The following NAV2 variants were observed in gnomAD, a reference collection of about 807,000 sequenced individuals.
The protein encoded by NAV2 is neuron navigator 2.
In NAV2, 54 loss-of-function variants were observed where a neutral mutation model predicts 223.2. The observed-to-expected ratio is 0.24, with a 90% CI of 0.19 to 0.30. NAV2 has a LOEUF of 0.30. Among genes scored for constraint, NAV2 ranks in the 10% least tolerant of loss-of-function variants. The pLI, the probability that NAV2 is intolerant of heterozygous loss-of-function variation, is 1.00. For missense variants in NAV2, 2,806 were observed against 3,147.5 expected, an observed-to-expected ratio of 0.89 and a Z score of 2.60; for synonymous variants, 1,279 against 1,239.3, an observed-to-expected ratio of 1.03 and a Z score of -0.67.
chr11:19,884,376 T>C, intron 5 of NAV2: 2 of 1,609,324 alleles, frequency 1.2e-6, no homozygotes, highest in Non-Finnish European at 1.7e-6. Context: ...AGACTTTCTC[T>C]GTGTCCTGCA....
intron 1 of NAV2, among the ~76,000 whole-genome samples, chr11:19,785,447 T>A (rs540886438): frequency 6.6e-6 from 1 of 152,356 alleles, no homozygotes; most frequent in East Asian, 1.9e-4. Flanking sequence ...CATTACCTGG[T>A]ACTTGGCTAA....
At chr11:19,971,580 G>A (rs2049249385) in intron 10 of NAV2, among the ~76,000 whole-genome samples, 1 of 152,108 alleles carries the variant, frequency 6.6e-6, no homozygotes, top group East Asian at 1.9e-4. Context: ...TTTTGTGGAT[G>A]TACAACACAC....
chr11:19,508,912 A>G (rs563570319), intron 1 of NAV2, among the ~76,000 whole-genome samples: 1 of 152,314 alleles, frequency 6.6e-6, no homozygotes, highest in East Asian at 1.9e-4. Flanking sequence ...CTTCCTTAAT[A>G]TTGTGGTCCT....
intron 1 of NAV2, among the ~76,000 whole-genome samples, chr11:19,826,097 A>G (rs544583572): frequency 2.0e-4 from 30 of 152,212 alleles, no homozygotes; most frequent in Non-Finnish European, 3.5e-4. Context: ...CTAGTGTCAA[A>G]GGATCCTAGA....
intron 1 of NAV2, among the ~76,000 whole-genome samples, chr11:19,784,904 A>G (rs1265595673): frequency 6.6e-6 from 1 of 152,166 alleles, no homozygotes; most frequent in Non-Finnish European, 1.5e-5. Flanking sequence ...TCATCATCAG[A>G]TCGAGAGCAA....
At chr11:19,904,715 G>C (rs1390940735) in intron 6 of NAV2, among the ~76,000 whole-genome samples, 2 of 152,064 alleles carry the variant, frequency 1.3e-5, no homozygotes, top group African/African-American at 4.8e-5. Context: ...GCAAACTTTG[G>C]CTCCATATGT....
intron 1 of NAV2, among the ~76,000 whole-genome samples, chr11:19,541,122 G>A (rs1488113238): frequency 1.3e-5 from 2 of 152,122 alleles, no homozygotes; most frequent in Non-Finnish European, 2.9e-5. Context: ...ATTATGAGGA[G>A]GAGAGATGCT....
At chr11:19,428,556 CT>C (rs1201463816) in intron 1 of NAV2, among the ~76,000 whole-genome samples, 1 of 152,238 alleles carries the variant, frequency 6.6e-6, no homozygotes, top group African/African-American at 2.4e-5. Flanking sequence ...ATAAATGCAG[CT>C]TGTGTTCTTC....
At chr11:20,066,610 G>A (rs751885249) in intron 20 of NAV2, among the ~76,000 whole-genome samples, 2 of 152,174 alleles carry the variant, frequency 1.3e-5, no homozygotes, top group Non-Finnish European at 2.9e-5. Context: ...TAGGTTGAAG[G>A]CGGATCAGAC....
At chr11:19,378,207 C>A (rs1274798569) in intron 1 of NAV2, among the ~76,000 whole-genome samples, 1 of 152,214 alleles carries the variant, frequency 6.6e-6, no homozygotes, top group Non-Finnish European at 1.5e-5. Flanking sequence ...CTACACATGT[C>A]ATTTGTCTTC....
intron 1 of NAV2, among the ~76,000 whole-genome samples, chr11:19,776,632 ATGTGTGTGTGTGTGTG>A (rs71050685): frequency 1.9e-4 from 12 of 64,660 alleles, no homozygotes; most frequent in South Asian, 6.4e-4. Flanking sequence ...GGGTCAGAAA[ATGTGTGTGTGTGTGTG>A]TGTGTGTGTG....
At chr11:19,611,501 TCCTAGATACAATGGGGG>T (rs936920595) in intron 1 of NAV2, among the ~76,000 whole-genome samples, 15 of 152,198 alleles carry the variant, frequency 9.9e-5, no homozygotes, top group Admixed American at 9.2e-4. Context: ...GCTAGTGACT[TCCTAGATACAATGGGGG>T]TACAGGTATT....
intron 3 of NAV2, among the ~76,000 whole-genome samples, chr11:19,843,310 T>G (rs10500862): frequency 0.21 from 31,698 of 152,170 alleles, 4,231 homozygotes; most frequent in African/African-American, 0.36. Context: ...GGTATCTTAC[T>G]AATCAGAAAC....
intron 1 of NAV2, among the ~76,000 whole-genome samples, chr11:19,621,901 A>G (rs1045377255): frequency 1.1e-4 from 16 of 152,190 alleles, no homozygotes. Flanking sequence ...TTAGTGCTAT[A>G]AATTTCCCTG....
At chr11:20,043,824 C>T (rs2057184352) in intron 12 of NAV2, 157 bp from the exon 13 acceptor site, 71 of 570,172 alleles carry the variant, frequency 1.2e-4, no homozygotes, top group Middle Eastern at 4.7e-4. Context: ...ATCAGTCTTT[C>T]TAACAAGATA....
chr11:19,558,235 A>G (rs1162088133), intron 1 of NAV2, among the ~76,000 whole-genome samples: 1 of 152,162 alleles, frequency 6.6e-6, no homozygotes, highest in Non-Finnish European at 1.5e-5. Flanking sequence ...ACAACTACGT[A>G]TTTGCTCACG....
chr11:19,467,332 T>C, intron 1 of NAV2, among the ~76,000 whole-genome samples: 1 of 152,202 alleles, frequency 6.6e-6, no homozygotes, highest in East Asian at 1.9e-4. Flanking sequence ...CTGTTTTTAG[T>C]TTCTTCAAAA....
chr11:19,949,577 G>C (rs2047217015), intron 10 of NAV2, among the ~76,000 whole-genome samples: 2 of 152,194 alleles, frequency 1.3e-5, no homozygotes, highest in Admixed American at 6.5e-5. Flanking sequence ...CCTTCTTGCT[G>C]CTCAGCTGAC....
intron 1 of NAV2, among the ~76,000 whole-genome samples, chr11:19,442,328 G>T (rs1249340438): frequency 1.3e-5 from 2 of 152,258 alleles, no homozygotes; most frequent in Non-Finnish European, 2.9e-5. Context: ...CTTTCAAACA[G>T]TTCCCGCTCC....
Sources: gnomAD v4.1 joint callset for allele counts (sites outside exome capture counted in the v4.1 genomes callset) on GRCh38, gnomAD v4.1.1 for gene constraint, MANE v1.5 for transcripts, NCBI Gene and HGNC (gene_info 2026-07-23, HGNC 2026-07-21) for gene names.